SPIRE1: variants seen among roughly 807,000 people sequenced by gnomAD.
SPIRE1 encodes the protein spire type actin nucleation factor 1.
SPIRE1 carries 40 observed loss-of-function variants against 94.1 expected under a neutral mutation model. The ratio of observed to expected loss-of-function variants is 0.43; its 90% CI spans 0.33 to 0.55. The LOEUF is 0.55. Among genes scored for constraint, SPIRE1 ranks in the 20% least tolerant of loss-of-function variants. SPIRE1 has a pLI of 0.06. For missense variants in SPIRE1, 838 were observed against 975.2 expected (o/e 0.86, Z 1.87); for synonymous variants, 376 against 371.7 (o/e 1.01, Z -0.13).
intron 11 of SPIRE1, 145 bp from the exon 12 acceptor site, chr18:12,463,638 G>A (rs2031968262): frequency 1.6e-6 from 1 of 637,934 alleles, no homozygotes; most frequent in Non-Finnish European, 2.5e-6. Context: ...TAATCCTTAG[G>A]AGTAGACTCT....
intron 1 of SPIRE1, among the ~76,000 whole-genome samples, chr18:12,654,130 A>C (rs2038459627): frequency 6.6e-6 from 1 of 151,726 alleles, no homozygotes; most frequent in Non-Finnish European, 1.5e-5. Context: ...TGAGGTCAGG[A>C]GTTTGAGACC....
intron 4 of SPIRE1, among the ~76,000 whole-genome samples, chr18:12,524,190 G>A (rs778458892): frequency 2.0e-5 from 3 of 152,148 alleles, no homozygotes; most frequent in Non-Finnish European, 4.4e-5. Flanking sequence ...ATAATACTTT[G>A]AAAAATTCAT....
chr18:12,594,727 T>C (rs1009630239), intron 2 of SPIRE1, among the ~76,000 whole-genome samples: 5 of 152,196 alleles, frequency 3.3e-5, no homozygotes, highest in African/African-American at 9.7e-5. Flanking sequence ...TTGAAGTGCA[T>C]GGGTCCACTT....
chr18:12,626,515 C>T (rs1040552115), intron 2 of SPIRE1, among the ~76,000 whole-genome samples: 1 of 152,132 alleles, frequency 6.6e-6, no homozygotes, highest in Non-Finnish European at 1.5e-5. Context: ...TCTAACAGGA[C>T]TATATCCGTT....
At chr18:12,574,610 G>T (rs913533615) in intron 2 of SPIRE1, among the ~76,000 whole-genome samples, 5 of 152,344 alleles carry the variant, frequency 3.3e-5, no homozygotes, top group African/African-American at 9.6e-5. Flanking sequence ...TAAATAGGCA[G>T]CTGTGTGGGT....
At chr18:12,606,621 C>G (rs560859207) in intron 2 of SPIRE1, among the ~76,000 whole-genome samples, 1 of 151,828 alleles carries the variant, frequency 6.6e-6, no homozygotes, top group Admixed American at 6.6e-5. Context: ...ACCTCCACCT[C>G]CCAGGTTCAA....
rs371469566 is a variant in SPIRE1, at chr18:12,449,653, C to A, written c.2256G>T (p.Thr752=). 1.9e-6 allele frequency: 3 copies of A among 1,613,890 alleles called. No individual in the cohort carries two copies. The highest frequency in any genetic ancestry group is 1.3e-5 in the African/African-American group (1 of 74,914). The change falls in exon 17 of 17, where the codon ACG becomes ACT. Residue 752 remains threonine, a synonymous_variant. Transcript: ENST00000409402. ...GPSEYCPSER[T]ISEI ...GGCACGAGGCTCAGATCTCACTGATCGTCCTCTCTGAAGGGCAGTACTCCG... is the reference window on the plus strand; with the variant it reads ...GGCACGAGGCTCAGATCTCACTGATAGTCCTCTCTGAAGGGCAGTACTCCG...
At chr18:12,507,873 G>A (rs181779118) in intron 5 of SPIRE1, among the ~76,000 whole-genome samples, 2 of 152,128 alleles carry the variant, frequency 1.3e-5, no homozygotes, top group Admixed American at 6.6e-5. Context: ...ATGGCTGAGC[G>A]CAGTGGCTCA....
chr18:12,644,601 T>C (rs1235146904), intron 1 of SPIRE1, among the ~76,000 whole-genome samples: 2 of 152,184 alleles, frequency 1.3e-5, no homozygotes, highest in Non-Finnish European at 2.9e-5. Flanking sequence ...TCCCTGATAA[T>C]CTGCAAGTAA....
chr18:12,596,966 A>C (rs1351652482), intron 2 of SPIRE1, among the ~76,000 whole-genome samples: 1 of 143,600 alleles, frequency 7.0e-6, no homozygotes, highest in Non-Finnish European at 1.5e-5. Flanking sequence ...CACCTTAAGA[A>C]TGAGCAACCC....
In SPIRE1 at chr18:12,559,856, G is replaced by T. The variant is rs927607040; in HGVS notation, c.373-12952C>A. Among the ~76,000 whole-genome samples the T allele has an allele frequency of 2.6e-5, 4 of 151,998 alleles. No homozygotes were observed. The highest frequency in any genetic ancestry group is 9.7e-5 in the African/African-American group (4 of 41,362). ...TGTGCAAACTGTCCATCTGACAAGG[G>T]GTAATAACCACAATATATAAGGACC... On this transcript the variant is annotated intron_variant, in intron 2 of 16. Coordinates refer to ENST00000409402, the MANE Select transcript of SPIRE1 (RefSeq NM_001128626.2). The surrounding 1 kb of genome is among the most constrained non-coding windows in gnomAD (Gnocchi z 4.7).
chr18:12,589,264 A>G (rs1439342539), intron 2 of SPIRE1, among the ~76,000 whole-genome samples: 1 of 152,204 alleles, frequency 6.6e-6, no homozygotes, highest in Non-Finnish European at 1.5e-5. Context: ...ACTCAAACCC[A>G]GGTCTTTCTC....
chr18:12,527,465 G>A (rs1003719888), intron 4 of SPIRE1, among the ~76,000 whole-genome samples: 3 of 152,212 alleles, frequency 2.0e-5, no homozygotes, highest in South Asian at 2.1e-4. Flanking sequence ...TAGGCCTTTC[G>A]GTGAACATGA....
chr18:12,470,707 G>T (rs1355284659), intron 10 of SPIRE1, among the ~76,000 whole-genome samples: 4 of 152,078 alleles, frequency 2.6e-5, no homozygotes, highest in Non-Finnish European at 4.4e-5. Flanking sequence ...TATTCCAACT[G>T]CCTAATCACT....
intron 6 of SPIRE1, among the ~76,000 whole-genome samples, chr18:12,506,163 G>GT (rs1295852356): frequency 1.3e-5 from 2 of 151,962 alleles, no homozygotes; most frequent in Non-Finnish European, 2.9e-5. Flanking sequence ...ATAGTTTTTT[G>GT]TTTTTCTTTT....
chr18:12,476,703 G>A (rs192710456), intron 10 of SPIRE1, among the ~76,000 whole-genome samples: 2,180 of 147,008 alleles, frequency 0.015, 18 homozygotes, highest in Middle Eastern at 0.038. Flanking sequence ...TATTAAAAAG[G>A]AATTATGTAT....
chr18:12,601,052 AT>A (rs1406378756), intron 2 of SPIRE1, among the ~76,000 whole-genome samples: 1 of 151,986 alleles, frequency 6.6e-6, no homozygotes, highest in Non-Finnish European at 1.5e-5. Flanking sequence ...ATGCTCAAGT[AT>A]TTCCAGACTT....
chr18:12,509,555 C>T (rs1048218418), intron 5 of SPIRE1, among the ~76,000 whole-genome samples: 1 of 152,082 alleles, frequency 6.6e-6, no homozygotes, highest in Non-Finnish European at 1.5e-5. Flanking sequence ...GCTTTTAAGA[C>T]AATGTAGGCA....
At chr18:12,577,155 T>C (rs1185703534) in intron 2 of SPIRE1, among the ~76,000 whole-genome samples, 3 of 152,004 alleles carry the variant, frequency 2.0e-5, no homozygotes, top group Admixed American at 6.6e-5. Context: ...TTATTATTAT[T>C]TTTATTTTTT....
Sources: gnomAD v4.1 joint callset for allele counts (sites outside exome capture counted in the v4.1 genomes callset) on GRCh38, gnomAD v4.1.1 for gene constraint, Gnocchi (gnomAD v3.1) non-coding constraint, MANE v1.5 for transcripts, NCBI Gene and HGNC (gene_info 2026-07-23, HGNC 2026-07-21) for gene names.